The following RIPOR2 variants were observed in gnomAD, a reference collection of about 807,000 sequenced individuals.
The protein encoded by RIPOR2 is RHO family interacting cell polarization regulator 2.
Under a neutral mutation model 114.5 loss-of-function variants are expected in RIPOR2, and 39 were observed. The observed-to-expected ratio is 0.34, with a 90% CI of 0.26 to 0.44. The LOEUF is 0.44. RIPOR2 is among the 20% of genes least tolerant of loss of function. The pLI is 1.00. For missense variants in RIPOR2, 1,007 were observed against 1,255.1 expected (o/e 0.80, Z 2.99); for synonymous variants, 445 against 484.4 (o/e 0.92, Z 1.07).
At chr6:24,878,686 T>G (rs1488971015) in intron 1 of RIPOR2, among the ~76,000 whole-genome samples, 2 of 151,872 alleles carry the variant, frequency 1.3e-5, no homozygotes, top group Non-Finnish European at 2.9e-5. Flanking sequence ...ATGGGGAGGG[T>G]TGTAAAGTCC....
chr6:24,948,536 T>TC (rs1478633669), intron 1 of RIPOR2, among the ~76,000 whole-genome samples: 628 of 37,024 alleles, frequency 0.017, 2 homozygotes, highest in Non-Finnish European at 0.036. Flanking sequence ...TTTCTTTCTT[T>TC]TTTTTTTTTT....
intron 1 of RIPOR2, among the ~76,000 whole-genome samples, chr6:24,983,262 G>A (rs9358815): frequency 0.51 from 77,248 of 150,744 alleles, 21,140 homozygotes; most frequent in East Asian, 0.8. Context: ...ATATATACAC[G>A]TATACATATA....
intron 1 of RIPOR2, among the ~76,000 whole-genome samples, chr6:24,961,574 TAAGTAAGAAA>T (rs2114221781): frequency 6.6e-6 from 1 of 152,082 alleles, no homozygotes; most frequent in South Asian, 2.1e-4. Context: ...GATAAAGCAA[TAAGTAAGAAA>T]ATCCCTATTT....
chr6:24,922,103 T>A (rs1162810124), intron 1 of RIPOR2, among the ~76,000 whole-genome samples: 1 of 152,102 alleles, frequency 6.6e-6, no homozygotes, highest in African/African-American at 2.4e-5. Context: ...AGTGCTGGGA[T>A]TACAGGCATG....
intron 1 of RIPOR2, among the ~76,000 whole-genome samples, chr6:24,959,331 A>G (rs1773197160): frequency 6.6e-6 from 1 of 152,224 alleles, no homozygotes; most frequent in Admixed American, 6.5e-5. Context: ...GAGTTAATGT[A>G]ATTAATGCAC....
intron 1 of RIPOR2, among the ~76,000 whole-genome samples, chr6:25,032,692 T>C (rs1194173646): frequency 6.6e-6 from 1 of 152,180 alleles, no homozygotes; most frequent in African/African-American, 2.4e-5. Context: ...CATAAGTAAG[T>C]ACGTGGACGG....
chr6:24,846,948 G>T (rs1010864545), intron 12 of RIPOR2, among the ~76,000 whole-genome samples: 1 of 152,226 alleles, frequency 6.6e-6, no homozygotes, highest in East Asian at 1.9e-4. Flanking sequence ...TTCCTTGAAT[G>T]CCAATTTTTT....
intron 1 of RIPOR2, among the ~76,000 whole-genome samples, chr6:25,006,011 ATTT>A (rs1245373171): frequency 4.6e-5 from 7 of 152,114 alleles, no homozygotes; most frequent in African/African-American, 1.7e-4. Flanking sequence ...GGCTTTTTAA[ATTT>A]TGAATCCTTA....
intron 1 of RIPOR2, among the ~76,000 whole-genome samples, chr6:25,016,177 G>C (rs1437249473): frequency 6.6e-6 from 1 of 151,998 alleles, no homozygotes; most frequent in Admixed American, 6.6e-5. Context: ...AAAGTGCTGG[G>C]ATTAAGGCAT....
At chr6:24,932,741 A>C (rs867185961) in intron 1 of RIPOR2, among the ~76,000 whole-genome samples, 3 of 152,224 alleles carry the variant, frequency 2.0e-5, no homozygotes, top group African/African-American at 7.2e-5. Context: ...AAGGGATCTT[A>C]AAAATGTGTC....
chr6:25,014,469 T>A (rs1775889455), intron 1 of RIPOR2, among the ~76,000 whole-genome samples: 1 of 152,186 alleles, frequency 6.6e-6, no homozygotes, highest in African/African-American at 2.4e-5. Context: ...AGATAACTAA[T>A]AGAAGCTATT....
chr6:24,960,460 C>T (rs924600868), intron 1 of RIPOR2, among the ~76,000 whole-genome samples: 1 of 152,182 alleles, frequency 6.6e-6, no homozygotes, highest in Non-Finnish European at 1.5e-5. Context: ...CTAATCACTA[C>T]CTAAAGGCCC....
chr6:24,828,975 T>C (rs866451626), intron 17 of RIPOR2, among the ~76,000 whole-genome samples: 1 of 152,148 alleles, frequency 6.6e-6, no homozygotes, highest in African/African-American at 2.4e-5. Flanking sequence ...TCTGTGAGAA[T>C]CATTCAAATT....
At chr6:24,913,401 C>T (rs1487300306) in intron 1 of RIPOR2, among the ~76,000 whole-genome samples, 1 of 152,148 alleles carries the variant, frequency 6.6e-6, no homozygotes, top group Non-Finnish European at 1.5e-5. Flanking sequence ...CCAACACAGG[C>T]CTGAACTGAC....
chr6:24,871,454 C>T (rs1210788210), intron 4 of RIPOR2, among the ~76,000 whole-genome samples: 5 of 152,166 alleles, frequency 3.3e-5, no homozygotes, highest in Non-Finnish European at 7.3e-5. Flanking sequence ...CTGGTTCAAG[C>T]GATTCTCCTG....
intron 1 of RIPOR2, among the ~76,000 whole-genome samples, chr6:24,968,124 T>C (rs1480205855): frequency 2.0e-5 from 3 of 152,066 alleles, no homozygotes; most frequent in Non-Finnish European, 4.4e-5. Context: ...CAGGCTGGTC[T>C]CAAACTCCTG....
chr6:24,862,795 A>C (rs1285539355), intron 7 of RIPOR2, among the ~76,000 whole-genome samples: 2 of 144,560 alleles, frequency 1.4e-5, no homozygotes, highest in East Asian at 2.2e-4. Flanking sequence ...TCCTCCCCCG[A>C]CCACTGGCAC....
intron 1 of RIPOR2, among the ~76,000 whole-genome samples, chr6:24,974,204 T>C (rs139883329): frequency 1.6e-3 from 240 of 152,144 alleles, no homozygotes; most frequent in Middle Eastern, 3.4e-3. Flanking sequence ...GGTAACATAG[T>C]GAGACCTCCT....
chr6:24,875,871 T>A, intron 1 of RIPOR2, 54 bp from the exon 2 acceptor site: 1 of 1,508,576 alleles, frequency 6.6e-7, no homozygotes, highest in Non-Finnish European at 9.0e-7. Context: ...AGACAGAAGA[T>A]GCACTAAGCT....
Sources: gnomAD v4.1 joint callset for allele counts (sites outside exome capture counted in the v4.1 genomes callset) on GRCh38, gnomAD v4.1.1 for gene constraint, MANE v1.5 for transcripts, NCBI Gene and HGNC (gene_info 2026-07-23, HGNC 2026-07-21) for gene names.